USP38: variants seen among roughly 807,000 people sequenced by gnomAD.
USP38 encodes ubiquitin carboxyl-terminal hydrolase 38.
In USP38, 49 loss-of-function variants were observed where a neutral mutation model predicts 94.3. That is an observed-to-expected ratio of 0.52 (90% CI 0.41 to 0.66). The LOEUF (loss-of-function observed/expected upper bound fraction) is 0.66. Among genes scored for constraint, USP38 ranks in the 30% least tolerant of loss-of-function variants. The probability of loss-of-function intolerance (pLI) is 0.00; values close to 1 mark genes in which losing one functional copy is unlikely to be tolerated. For missense variants in USP38, 1,128 were observed against 1,229.4 expected (o/e 0.92, Z 1.23); for synonymous variants, 468 against 463.6 (o/e 1.01, Z -0.12).
intron 6 of USP38, among the ~76,000 whole-genome samples, chr4:143,208,279 C>A (rs1039763730): frequency 6.6e-6 from 1 of 151,844 alleles, no homozygotes; most frequent in Admixed American, 6.6e-5. Context: ...TTAATAAATA[C>A]TTCTTTATTT....
Position 143,203,457 on chromosome 4 carries a change from T to G in USP38, c.1100T>G (p.Leu367Arg). 6.2e-7 allele frequency: 1 copy of G among 1,613,248 alleles called. No individual in the cohort carries two copies. The highest frequency in any genetic ancestry group is 8.5e-7 in the Non-Finnish European group (1 of 1,179,528). ...NLVHSFKNDG[L>R]PSSTAFLVQL... is the part of the protein sequence containing the mutation. ...GTTCATTCTTTCAAAAATGATGGTCTGCCTTCAAGTACAGCCTTCTTAGTA... is the reference window on the plus strand; with the variant it reads ...GTTCATTCTTTCAAAAATGATGGTCGGCCTTCAAGTACAGCCTTCTTAGTA... The change falls in exon 5 of 10, where the codon CTG (leucine) becomes CGG (arginine). Residue 367 changes from leucine (L) to arginine (R), a missense_variant. By Grantham distance (102) the Leu-to-Arg change is moderately radical. Transcript: ENST00000307017.
Position 143,195,852 on chromosome 4 carries a change from G to A in USP38, c.948+7G>A. 1.2e-6 allele frequency: 2 copies of A among 1,606,152 alleles called. No homozygotes were observed. Among genetic ancestry groups the A allele is most frequent in the South Asian group, 2.2e-5 (2 of 89,376 alleles). On this transcript the variant is annotated splice_region_variant and intron_variant, in intron 3 of 9. Coordinates refer to ENST00000307017, the MANE Select transcript of USP38 (RefSeq NM_032557.6). The stretch of plus-strand genomic sequence containing the variant: ...TTTGCTGAAAATAGAACTGGTAAGT[G>A]GGAGTATGGAAATCTATTAGAATAT...
In USP38 at chr4:143,185,762, G is replaced by A; in HGVS notation, c.312G>A (p.Leu104=). 1 of 1,614,148 alleles carries A rather than the reference G, an allele frequency of 6.2e-7. No homozygotes were observed. Among genetic ancestry groups the A allele is most frequent in the African/African-American group, 1.3e-5 (1 of 75,028 alleles). The change falls in exon 1 of 10, where the codon CTG becomes CTA. Residue 104 remains leucine (L), a synonymous_variant. Transcript: ENST00000307017. The part of the protein sequence containing the change: ...HSLDRKDVAI[L]DYIHNGLKLI... The stretch of plus-strand genomic sequence containing the variant: ...TGGACAGGAAGGATGTAGCCATCCT[G>A]GACTACATTCACAACGGCCTGAAGC...
chr4:143,203,223 G>A lies in USP38; in HGVS notation c.1051-185G>A, dbSNP rs978021351. ...CATATATGAGATTACAGTCATATGC[G>A]ACTTCGAAAACTAGATTTACCTTGA... On this transcript the variant is annotated intron_variant, in intron 4 of 9. Coordinates refer to ENST00000307017, the MANE Select transcript of USP38 (RefSeq NM_032557.6). Among the ~76,000 whole-genome samples, 19 of 152,054 alleles carry A rather than the reference G, an allele frequency of 1.2e-4. 1 individual carries two copies. The highest frequency in any genetic ancestry group is 1.2e-3 in the Admixed American group (19 of 15,264).
At chr4:143,197,284 A>C (rs902896971) in intron 3 of USP38, among the ~76,000 whole-genome samples, 1 of 152,162 alleles carries the variant, frequency 6.6e-6, no homozygotes, top group Non-Finnish European at 1.5e-5. Context: ...TTCATGAGGC[A>C]TTTATTGAAC....
intron 4 of USP38, among the ~76,000 whole-genome samples, chr4:143,198,125 C>A (rs1006627657): frequency 1.3e-5 from 2 of 152,196 alleles, no homozygotes; most frequent in East Asian, 1.9e-4. Flanking sequence ...TCAAACTACT[C>A]CACTTGCAAC....
intron 2 of USP38, among the ~76,000 whole-genome samples, chr4:143,192,198 A>ATGAATGCT (rs1731414258): frequency 6.6e-6 from 1 of 152,216 alleles, no homozygotes; most frequent in Admixed American, 6.5e-5. Context: ...TATTTATTTC[A>ATGAATGCT]TGAATGCTTT....
rs200196203 is a variant in USP38 at position 143,213,720 on chromosome 4, G to C, written c.1744G>C (p.Glu582Gln). 2.7e-5 allele frequency: 44 copies of C among 1,613,752 alleles called. No homozygotes were observed. Among genetic ancestry groups the C allele is most frequent in the Non-Finnish European group, 3.6e-5 (42 of 1,179,820 alleles). Residue 582 changes from glutamate (E) to glutamine (Q), a missense_variant, in exon 9 of 10, where the codon GAG becomes CAG. Transcript: ENST00000307017. ...LTETPRTSDG[E>Q]KTLIEKMFGG... ...AGAGACCCCTCGTACAAGTGACGGT[G>C]AGAAGACTTTAATAGAAAAAATGTT... is the stretch of plus-strand genomic sequence containing the variant.
intron 6 of USP38, among the ~76,000 whole-genome samples, chr4:143,208,738 A>ATT (rs1731940930): frequency 1.3e-5 from 2 of 151,790 alleles, no homozygotes; most frequent in African/African-American, 4.8e-5. Flanking sequence ...GCACAATTCA[A>ATT]ATTTGTGGGG....
chr4:143,193,290 A>T (rs1415395898), intron 2 of USP38, among the ~76,000 whole-genome samples: 1 of 151,972 alleles, frequency 6.6e-6, no homozygotes, highest in Non-Finnish European at 1.5e-5. Context: ...AGATTCATGT[A>T]CATCTATCTT....
Position 143,213,915 on chromosome 4 carries a change from C to G in USP38, c.1939C>G (p.Gln647Glu), listed in dbSNP as rs779944429. The G allele has an allele frequency of 5.0e-6, 8 of 1,613,712 alleles. No individual in the cohort carries two copies. In the South Asian group the frequency reaches 7.7e-5, roughly 16 times the overall value. Residue 647 changes from glutamine (Q) to glutamate (E), a missense_variant, in exon 9 of 10, where the codon CAA becomes GAA. By Grantham distance (29) the Gln-to-Glu change is conservative (BLOSUM62 2). Transcript: ENST00000307017. Reference protein sequence around the residue: ...SPSIQDGGLMQASVPGPSEEP... With the variant: ...SPSIQDGGLMEASVPGPSEEP... ...CAGTATACAAGATGGTGGTCTAATGCAAGCCTCTGTACCCGGTCCTTCAGA... is the reference window on the plus strand; with the variant it reads ...CAGTATACAAGATGGTGGTCTAATGGAAGCCTCTGTACCCGGTCCTTCAGA...
At position 143,214,947 on chromosome 4, in the gene USP38, A is replaced by G; in HGVS notation, c.2967+4A>G. On this transcript the variant is annotated splice_donor_region_variant and intron_variant, in intron 9 of 9. Coordinates refer to ENST00000307017, the MANE Select transcript of USP38 (RefSeq NM_032557.6). ...AGACAATAAACTATATTTACAGGTA[A>G]GTTGGAAATACAAGCTTTATTTGTT... The G allele has an allele frequency of 6.2e-7, 1 of 1,607,438 alleles. No individual in the cohort carries two copies. Among genetic ancestry groups the G allele is most frequent in the African/African-American group, 1.3e-5 (1 of 74,564 alleles).
At chr4:143,219,023 TA>T (rs542248136) in intron 9 of USP38, among the ~76,000 whole-genome samples, 87 of 152,192 alleles carry the variant, frequency 5.7e-4, no homozygotes, top group African/African-American at 2.0e-3. Context: ...TATATCACCT[TA>T]AAAATACTCT....
At position 143,188,744 on chromosome 4, in the gene USP38, TCAAA is replaced by T. The variant is rs141197564; in HGVS notation, c.818+789_818+792del. On this transcript the variant is annotated intron_variant, in intron 2 of 9. Coordinates refer to ENST00000307017, the MANE Select transcript of USP38 (RefSeq NM_032557.6). ...GTGCCAGGCAGTGTTCAAAATGTCC[TCAAA>T]CAAACTGATAAAAATATCTGCCTTT... Among the ~76,000 whole-genome samples the T allele has an allele frequency of 4.8e-3, 729 of 152,188 alleles. 8 individuals are homozygous for T. The highest frequency in any genetic ancestry group is 0.017 in the African/African-American group (695 of 41,540).
At chr4:143,207,072 G>T (rs985665028) in intron 6 of USP38, among the ~76,000 whole-genome samples, 3 of 152,310 alleles carry the variant, frequency 2.0e-5, no homozygotes, top group Admixed American at 2.0e-4. Context: ...TTATGTGAAT[G>T]CTATCTGCAA....
At chr4:143,212,639 C>A (rs1005866931) in intron 8 of USP38, among the ~76,000 whole-genome samples, 1 of 152,004 alleles carries the variant, frequency 6.6e-6, no homozygotes, top group African/African-American at 2.4e-5. Context: ...AAGTGTGAAA[C>A]AAGGACCCCT....
intron 2 of USP38, among the ~76,000 whole-genome samples, chr4:143,194,215 A>G (rs1340497708): frequency 6.6e-6 from 1 of 152,246 alleles, no homozygotes; most frequent in Non-Finnish European, 1.5e-5. Context: ...ATGTATTAAC[A>G]TTTGGTGGAA....
Position 143,214,360 on chromosome 4 carries a change from A to G in USP38, c.2384A>G (p.Lys795Arg). 3 of 1,613,698 alleles carry G rather than the reference A, an allele frequency of 1.9e-6. No homozygotes were observed. In the East Asian group the frequency reaches 6.7e-5, roughly 36 times the overall value. ...CCACTGGTTTTGGAGTTGCCAGTTA[A>G]AAGAATTACTTCTTTCTCTTCATTG... is the stretch of plus-strand genomic sequence containing the variant. ...SLPLVLELPV[K>R]RITSFSSLSE... The change falls in exon 9 of 10, where the codon AAA (lysine) becomes AGA (arginine). Residue 795 changes from lysine to arginine, a missense_variant. Lys to Arg is a conservative substitution (Grantham distance 26, BLOSUM62 2). Transcript: ENST00000307017.
Position 143,214,198 on chromosome 4 carries a change from A to G in USP38, c.2222A>G (p.Asn741Ser), listed in dbSNP as rs1732116274. The change falls in exon 9 of 10, where the codon AAC (asparagine) becomes AGC (serine). Residue 741 changes from asparagine to serine, a missense_variant. By Grantham distance (46) the Asn-to-Ser change is conservative. Coordinates refer to ENST00000307017, the MANE Select transcript of USP38 (RefSeq NM_032557.6). ...LTGDNQYYCENCASLQNAEKT... is the reference protein window; with the variant it reads ...LTGDNQYYCESCASLQNAEKT... ...GGTGATAACCAATATTATTGTGAAA[A>G]CTGTGCCTCTCTGCAAAATGCTGAG... 2 of 1,613,608 alleles carry G rather than the reference A, an allele frequency of 1.2e-6. No homozygotes were observed. Among genetic ancestry groups the G allele is most frequent in the Non-Finnish European group, 1.7e-6 (2 of 1,179,822 alleles).
Sources: gnomAD v4.1 joint callset for allele counts (sites outside exome capture counted in the v4.1 genomes callset) on GRCh38, gnomAD v4.1.1 for gene constraint, MANE v1.5 for transcripts, NCBI Gene and HGNC (gene_info 2026-07-23, HGNC 2026-07-21) for gene names.